Variants in SLC16A12 observed in about 807,000 individuals in gnomAD.
The protein encoded by SLC16A12 is monocarboxylate transporter 12.
SLC16A12 carries 17 observed loss-of-function variants against 42.4 expected under a neutral mutation model. The ratio of observed to expected loss-of-function variants is 0.40; its 90% CI spans 0.27 to 0.60. SLC16A12 has a LOEUF of 0.60. Ranked by LOEUF, SLC16A12 falls within the 20% of genes least tolerant of loss-of-function variation. The probability of loss-of-function intolerance (pLI) is 0.42; values close to 1 mark genes in which losing one functional copy is unlikely to be tolerated. For synonymous variants in SLC16A12, 224 were observed against 229.4 expected, an observed-to-expected ratio of 0.98 and a Z score of 0.21; for missense variants, 544 against 623.0, an observed-to-expected ratio of 0.87 and a Z score of 1.35.
intron 5 of SLC16A12, among the ~76,000 whole-genome samples, chr10:89,439,696 A>AGCAATG (rs1322376089): frequency 6.6e-6 from 1 of 152,204 alleles, no homozygotes; most frequent in Non-Finnish European, 1.5e-5. Context: ...ATGTGAACAT[A>AGCAATG]GCAATGTATA....
At chr10:89,538,109 A>C (rs1180630550), upstream of SLC16A12, among the ~76,000 whole-genome samples, 1 of 152,256 alleles carries the variant, frequency 6.6e-6, no homozygotes, top group African/African-American at 2.4e-5. Flanking sequence ...AGAAAGGGAG[A>C]TGCACAAAGC....
chr10:89,460,843 T>C (rs1404391635), intron 3 of SLC16A12, among the ~76,000 whole-genome samples: 1 of 152,068 alleles, frequency 6.6e-6, no homozygotes, highest in Non-Finnish European at 1.5e-5. Flanking sequence ...TTGGACTAAT[T>C]TATATTCCCA....
intron 3 of SLC16A12, among the ~76,000 whole-genome samples, chr10:89,445,192 T>C (rs1184383317): frequency 6.6e-6 from 1 of 152,220 alleles, no homozygotes; most frequent in South Asian, 2.1e-4. Flanking sequence ...TCTGCAGACT[T>C]AAATGTCCCG....
chr10:89,529,559 T>TG (rs2133867394), intron 2 of SLC16A12, among the ~76,000 whole-genome samples: 1 of 151,244 alleles, frequency 6.6e-6, no homozygotes, highest in African/African-American at 2.4e-5. Context: ...CTTTTTTTTT[T>TG]TTTTTTTTGA....
chr10:89,542,016 C>A (rs992101550), intron 2 of SLC16A12, among the ~76,000 whole-genome samples: 1 of 152,024 alleles, frequency 6.6e-6, no homozygotes, highest in Non-Finnish European at 1.5e-5. Flanking sequence ...ATCCCAGGGG[C>A]GATAGTGCCT....
chr10:89,435,912 T>C (rs149902752), intron 7 of SLC16A12, 148 bp downstream of exon 7: 2 of 1,113,082 alleles, frequency 1.8e-6, no homozygotes, highest in Non-Finnish European at 2.6e-6. Flanking sequence ...GGGACCATGA[T>C]GGTTTTGGGG....
intron 2 of SLC16A12, among the ~76,000 whole-genome samples, chr10:89,490,384 C>T (rs1045445822): frequency 3.9e-5 from 6 of 152,168 alleles, no homozygotes; most frequent in Non-Finnish European, 7.3e-5. Context: ...TTAAGGGGCT[C>T]GGTCTCACAA....
At chr10:89,480,871 T>A (rs911786239) in intron 2 of SLC16A12, among the ~76,000 whole-genome samples, 4 of 152,190 alleles carry the variant, frequency 2.6e-5, no homozygotes, top group African/African-American at 9.6e-5. Flanking sequence ...TTCTTGAACA[T>A]TTAAACTAAT....
At chr10:89,542,948 A>G (rs1174475137) in intron 2 of SLC16A12, among the ~76,000 whole-genome samples, 1 of 152,200 alleles carries the variant, frequency 6.6e-6, no homozygotes, top group African/African-American at 2.4e-5. Flanking sequence ...TGAAGTCGCC[A>G]TGCACATTCC....
At chr10:89,448,827 G>T (rs1038980781) in intron 3 of SLC16A12, among the ~76,000 whole-genome samples, 1 of 152,206 alleles carries the variant, frequency 6.6e-6, no homozygotes, top group African/African-American at 2.4e-5. Flanking sequence ...GTCCCTGTTT[G>T]CAGATGACAT....
At chr10:89,541,073 C>G (rs1843712615) in intron 2 of SLC16A12, among the ~76,000 whole-genome samples, 1 of 151,786 alleles carries the variant, frequency 6.6e-6, no homozygotes, top group Non-Finnish European at 1.5e-5. Context: ...AGGTGCCCAC[C>G]ACCACGCCAG....
At chr10:89,525,220 C>CA (rs869295721) in intron 2 of SLC16A12, among the ~76,000 whole-genome samples, 2,497 of 64,216 alleles carry the variant, frequency 0.039, 58 homozygotes, top group Non-Finnish European at 0.046. Context: ...GACACCATAT[C>CA]AAAAAAAAAA....
At chr10:89,481,814 A>G (rs1842668388) in intron 2 of SLC16A12, among the ~76,000 whole-genome samples, 1 of 152,072 alleles carries the variant, frequency 6.6e-6, no homozygotes, top group Non-Finnish European at 1.5e-5. Context: ...TGGAATGAAA[A>G]AGTCCACTTT....
At chr10:89,538,504 G>A (rs73363831), upstream of SLC16A12, among the ~76,000 whole-genome samples, 6,115 of 152,174 alleles carry the variant, frequency 0.04, 418 homozygotes, top group African/African-American at 0.14. Flanking sequence ...CACTCAAAAC[G>A]TTTTCTTCAT....
intron 7 of SLC16A12, among the ~76,000 whole-genome samples, chr10:89,434,562 A>C (rs1371191885): frequency 6.6e-6 from 1 of 152,192 alleles, no homozygotes; most frequent in Non-Finnish European, 1.5e-5. Flanking sequence ...AGCGGCCACA[A>C]TTTCCCCTAG....
intron 2 of SLC16A12, among the ~76,000 whole-genome samples, chr10:89,542,448 A>T (rs1285387276): frequency 6.6e-6 from 1 of 151,916 alleles, no homozygotes; most frequent in Non-Finnish European, 1.5e-5. Flanking sequence ...GACTACAGGC[A>T]TGCACCACCA....
intron 2 of SLC16A12, among the ~76,000 whole-genome samples, chr10:89,514,350 A>T (rs1843211872): frequency 6.6e-6 from 1 of 152,230 alleles, no homozygotes; most frequent in South Asian, 2.1e-4. Context: ...CTATCAGAGG[A>T]CTGTGTATGT....
chr10:89,531,381 G>C (rs1292283294), intron 2 of SLC16A12, among the ~76,000 whole-genome samples: 1 of 152,162 alleles, frequency 6.6e-6, no homozygotes, highest in East Asian at 1.9e-4. Flanking sequence ...CTGGGTGACA[G>C]AGCAAGGCTC....
At chr10:89,499,608 T>C (rs985239070) in intron 2 of SLC16A12, among the ~76,000 whole-genome samples, 2 of 152,124 alleles carry the variant, frequency 1.3e-5, no homozygotes, top group Non-Finnish European at 2.9e-5. Flanking sequence ...TGAATGACAA[T>C]AGTGACACAA....
Sources: allele counts gnomAD v4.1 joint callset (sites outside exome capture counted in the v4.1 genomes callset), GRCh38; gene constraint gnomAD v4.1.1; transcripts MANE v1.5; gene names NCBI Gene and HGNC (gene_info 2026-07-23, HGNC 2026-07-21).